The following COMT variants were observed in gnomAD, a reference collection of about 807,000 sequenced individuals.
COMT encodes the protein catechol O-methyltransferase.
A neutral mutation model predicts 18.9 loss-of-function variants in COMT; 13 were observed. The ratio of observed to expected loss-of-function variants is 0.69; its 90% CI spans 0.45 to 1.09. The LOEUF (loss-of-function observed/expected upper bound fraction) is 1.09, where lower values mean the gene tolerates loss of function less well. Among genes scored for constraint, COMT ranks in the 50% least tolerant of loss-of-function variants. The probability of loss-of-function intolerance (pLI) is 0.00; values close to 1 mark genes in which losing one functional copy is unlikely to be tolerated. For synonymous variants in COMT, 150 were observed against 160.9 expected, an observed-to-expected ratio of 0.93 and a Z score of 0.51; for missense variants, 329 against 361.8, an observed-to-expected ratio of 0.91 and a Z score of 0.73.
In COMT at chr22:19,963,501, C is replaced by T. The variant is rs548260944; in HGVS notation, c.290-65C>T. On this transcript the variant is annotated intron_variant, in intron 3 of 5. Transcript: ENST00000361682. The stretch of plus-strand genomic sequence containing the variant: ...CTTTGGGAGAGGTGGGGGGCCGTGC[C>T]TGGGGATCCAAGTTCCCCTCTCTCC... 3.8e-6 allele frequency: 6 copies of T among 1,568,928 alleles called. No individual in the cohort carries two copies. In the South Asian group the frequency reaches 6.7e-5, roughly 18 times the overall value.
intron 1 of COMT, among the ~76,000 whole-genome samples, chr22:19,953,495 A>G (rs1393131101): frequency 6.6e-6 from 1 of 152,092 alleles, no homozygotes; most frequent in African/African-American, 2.4e-5. Flanking sequence ...GAGTTTCACC[A>G]TGTTGGCCAG....
intron 5 of COMT, chr22:19,967,459 C>A: frequency 2.2e-6 from 1 of 459,444 alleles, no homozygotes; most frequent in South Asian, 1.6e-5. Context: ...CAACTCCGGA[C>A]CTTGGGGCTG....
At chr22:19,955,337 G>A (rs959929882) in intron 1 of COMT, among the ~76,000 whole-genome samples, 3 of 152,200 alleles carry the variant, frequency 2.0e-5, no homozygotes, top group Non-Finnish European at 4.4e-5. Flanking sequence ...GTCCACAGGC[G>A]CTGCCCAAGC....
rs1475458224 is a variant in COMT at position 19,968,908 on chromosome 22, TTC to T, written c.*174_*175del. The T allele has an allele frequency of 6.3e-6, 4 of 630,454 alleles. No homozygotes were observed. In the East Asian group the frequency reaches 1.1e-4, roughly 18 times the overall value. The allele number at this position is 630,454 out of a possible 1,614,324, so 39.1% of individuals were successfully genotyped here. A position where few individuals can be genotyped will look rare whatever the true frequency, so the allele number is the denominator to read the frequency against. On this transcript the variant is annotated 3_prime_UTR_variant, in exon 6 of 6. Transcript: ENST00000361682. ...CTCTCTGAACTGCAACACTGGATTG[TTC>T]TTTTTTAAGACTCAATCATGACTTC...
chr22:19,952,446 T>G (rs890762650), intron 1 of COMT, among the ~76,000 whole-genome samples: 10 of 152,134 alleles, frequency 6.6e-5, no homozygotes, highest in South Asian at 2.1e-4. Flanking sequence ...GAGACCATCC[T>G]GGCTAACATG....
intron 5 of COMT, chr22:19,967,196 C>T (rs577558434): frequency 3.3e-5 from 43 of 1,304,744 alleles, no homozygotes; most frequent in Admixed American, 6.9e-5. Flanking sequence ...AGTCCGCTGA[C>T]GTCTTCTGTA....
chr22:19,945,596 T>G (rs1941823378), intron 1 of COMT, among the ~76,000 whole-genome samples: 1 of 152,246 alleles, frequency 6.6e-6, no homozygotes, highest in African/African-American at 2.4e-5. Flanking sequence ...GCTTCAATTT[T>G]GTTTAGAGAA....
At position 19,941,908 on chromosome 22, in the gene COMT, T is replaced by C; in HGVS notation, c.-92+11T>C. On this transcript the variant is annotated intron_variant, in intron 1 of 5. Coordinates refer to ENST00000361682, the MANE Select transcript of COMT (RefSeq NM_000754.4). ...GCCGTCGCGGGAGAGGTGAGAGCGC[T>C]GGCTAGACCGGGGCCGAATGCGGCC... is the stretch of plus-strand genomic sequence containing the variant. 5 of 1,229,348 alleles carry C rather than the reference T, an allele frequency of 4.1e-6. No individual in the cohort carries two copies. Among genetic ancestry groups the C allele is most frequent in the Non-Finnish European group, 4.2e-6 (4 of 950,566 alleles). The allele number at this position is 1,229,348 out of a possible 1,614,324, so 76.2% of individuals were successfully genotyped here. A position where few individuals can be genotyped will look rare whatever the true frequency, so the allele number is the denominator to read the frequency against.
At chr22:19,957,202 G>A (rs949696997) in intron 1 of COMT, among the ~76,000 whole-genome samples, 1 of 152,006 alleles carries the variant, frequency 6.6e-6, no homozygotes, top group East Asian at 1.9e-4. Flanking sequence ...TGCCCGCCCC[G>A]GCCTCCCAAA....
chr22:19,956,793 C>T (rs1942074335), intron 1 of COMT, among the ~76,000 whole-genome samples: 1 of 151,932 alleles, frequency 6.6e-6, no homozygotes, highest in Admixed American at 6.6e-5. Context: ...CCAGAGTGGT[C>T]CTGAACGCCT....
chr22:19,959,502 A>C (rs190860590), intron 1 of COMT, among the ~76,000 whole-genome samples: 1,884 of 150,402 alleles, frequency 0.013, 47 homozygotes, highest in African/African-American at 0.043. Flanking sequence ...ATCCCACACC[A>C]GCGAGCAGAG....
At chr22:19,948,845 C>T (rs1463130517) in intron 1 of COMT, among the ~76,000 whole-genome samples, 1 of 149,350 alleles carries the variant, frequency 6.7e-6, no homozygotes, top group East Asian at 2.0e-4. Context: ...GTCCCAGCTA[C>T]TTGGGAGGCT....
At chr22:19,968,411 C>A (rs1942541402) in intron 5 of COMT, 125 bp from the exon 6 acceptor site, 2 of 940,786 alleles carry the variant, frequency 2.1e-6, no homozygotes, top group Non-Finnish European at 3.4e-6. Context: ...AAAGTGGAAA[C>A]CTGGCCCCAG....
chr22:19,951,323 C>T (rs1311465744), intron 1 of COMT, among the ~76,000 whole-genome samples: 1 of 139,974 alleles, frequency 7.1e-6, no homozygotes, highest in Admixed American at 7.6e-5. Flanking sequence ...TATGCCACTG[C>T]ACTCCAGCCT....
At chr22:19,967,301 T>C (rs1297652195) in intron 5 of COMT, 1 of 1,040,100 alleles carries the variant, frequency 9.6e-7, no homozygotes, top group Non-Finnish European at 1.3e-6. Flanking sequence ...TGGCCCAGAC[T>C]GGAAGGCAGC....
intron 5 of COMT, among the ~76,000 whole-genome samples, chr22:19,966,439 A>G (rs1379714765): frequency 5.6e-5 from 1 of 17,870 alleles, no homozygotes; most frequent in Non-Finnish European, 3.0e-4. Context: ...TCCCCCTTAA[A>G]AAAAAAAAAA....
chr22:19,963,640 T>C lies in COMT; in HGVS notation c.364T>C (p.Ser122Pro), dbSNP rs1942257641. The C allele has an allele frequency of 6.2e-7, 1 of 1,612,796 alleles. No homozygotes were observed. The highest frequency in any genetic ancestry group is 1.3e-5 in the African/African-American group (1 of 74,902). Reference sequence around the variant, plus strand: ...GGAGCTGGGGGCCTACTGTGGCTACTCAGCTGTGCGCATGGCCCGCCTGCT... The same window carrying C: ...GGAGCTGGGGGCCTACTGTGGCTACCCAGCTGTGCGCATGGCCCGCCTGCT... ...LLELGAYCGY[S>P]AVRMARLLSP... is the part of the protein sequence containing the mutation. Residue 122 changes from serine (S) to proline (P), a missense_variant, in exon 4 of 6, where the codon TCA becomes CCA. Transcript: ENST00000361682.
intron 5 of COMT, chr22:19,964,521 T>C (rs1421974133): frequency 2.1e-5 from 15 of 705,616 alleles, no homozygotes; most frequent in Non-Finnish European, 3.2e-5. Context: ...GGTGGCCTGT[T>C]GGGAACTGGG....
At position 19,964,171 on chromosome 22, in the gene COMT, AC is replaced by A. The variant is rs1942278217; in HGVS notation, c.490del (p.Val165TrpfsTer12). 1 of 1,613,856 alleles carries A rather than the reference AC, an allele frequency of 6.2e-7. No homozygotes were observed. Among genetic ancestry groups the A allele is most frequent in the South Asian group, 1.1e-5 (1 of 91,082 alleles). ...VDFAGVKDKVTLVVGASQDII... is the reference protein window; with the variant it reads ...VDFAGVKDKVXLVVGASQDII... ...GCACTGACAGGCGCTGTTCCAGGTCACCCTTGTGGTTGGAGCGTCCCAGGAC... is the reference window on the plus strand; with the variant it reads ...GCACTGACAGGCGCTGTTCCAGGTCACCTTGTGGTTGGAGCGTCCCAGGAC... On this transcript the variant is annotated frameshift_variant, in exon 5 of 6. Coordinates refer to ENST00000361682, the MANE Select transcript of COMT (RefSeq NM_000754.4). LOFTEE classifies it high-confidence loss of function.
Sources: allele counts gnomAD v4.1 joint callset (sites outside exome capture counted in the v4.1 genomes callset), GRCh38; gene constraint gnomAD v4.1.1; transcripts MANE v1.5; gene names NCBI Gene and HGNC (gene_info 2026-07-23, HGNC 2026-07-21).